The following ELAVL4 variants were observed in gnomAD, a reference collection of about 807,000 sequenced individuals.
ELAVL4 encodes the protein ELAV-like protein 4.
In ELAVL4, 1 loss-of-function variant was observed where a neutral mutation model predicts 35.6. That is an observed-to-expected ratio of 0.03 (90% confidence interval 0.01 to 0.13). The LOEUF (loss-of-function observed/expected upper bound fraction) is 0.13, where lower values mean the gene tolerates loss of function less well. Among genes scored for constraint, ELAVL4 ranks in the 10% least tolerant of loss-of-function variants. The pLI is 1.00. For missense variants in ELAVL4, 267 were observed against 464.9 expected (o/e 0.57, Z 3.91); for synonymous variants, 156 against 171.0 (o/e 0.91, Z 0.69).
intron 2 of ELAVL4, among the ~76,000 whole-genome samples, chr1:50,168,941 G>C (rs1678465932): frequency 7.0e-6 from 1 of 143,228 alleles, no homozygotes. Flanking sequence ...ACTGATAGGA[G>C]ATATGTATAT....
chr1:50,194,328 C>T (rs772226096), intron 4 of ELAVL4, among the ~76,000 whole-genome samples: 4 of 152,166 alleles, frequency 2.6e-5, no homozygotes, highest in Non-Finnish European at 4.4e-5. Flanking sequence ...TCCCATTTCA[C>T]ACTTGAGGAA....
At chr1:50,183,821 C>T (rs1231158370) in intron 3 of ELAVL4, among the ~76,000 whole-genome samples, 2 of 152,212 alleles carry the variant, frequency 1.3e-5, no homozygotes, top group Non-Finnish European at 2.9e-5. Context: ...CTTAATGCTT[C>T]CTGGAGAGTT....
intron 1 of ELAVL4, among the ~76,000 whole-genome samples, chr1:50,065,295 G>A (rs751864482): frequency 2.0e-5 from 3 of 152,160 alleles, no homozygotes; most frequent in African/African-American, 4.8e-5. Context: ...GAAGGAAAAG[G>A]TTAGAACAGA....
At chr1:50,112,641 A>C (rs745738854) in intron 1 of ELAVL4, among the ~76,000 whole-genome samples, 1 of 152,170 alleles carries the variant, frequency 6.6e-6, no homozygotes, top group Non-Finnish European at 1.5e-5. Flanking sequence ...ATAGATGAGG[A>C]AGTAGCTGAA....
chr1:50,058,375 T>C (rs1203132389), intron 1 of ELAVL4, among the ~76,000 whole-genome samples: 1 of 152,144 alleles, frequency 6.6e-6, no homozygotes, highest in African/African-American at 2.4e-5. Flanking sequence ...ATAGGATATA[T>C]AGGAGGAAAC....
chr1:50,137,238 A>G (rs1200353400), intron 1 of ELAVL4, among the ~76,000 whole-genome samples: 1 of 152,148 alleles, frequency 6.6e-6, no homozygotes. Context: ...CAAGGACACA[A>G]TATGGTGTGG....
intron 1 of ELAVL4, among the ~76,000 whole-genome samples, chr1:50,113,729 C>T (rs188850342): frequency 2.6e-5 from 4 of 152,198 alleles, no homozygotes; most frequent in East Asian, 3.9e-4. Flanking sequence ...GGTCAATTCT[C>T]CTTTTGAAAG....
chr1:50,144,594 T>C (rs1572383668), intron 1 of ELAVL4: 2 of 474,904 alleles, frequency 4.2e-6, no homozygotes. Flanking sequence ...AATGGAACTA[T>C]AATTTTAATC....
intron 1 of ELAVL4, among the ~76,000 whole-genome samples, chr1:50,087,370 T>C (rs767559449): frequency 2.0e-5 from 3 of 152,250 alleles, no homozygotes; most frequent in Non-Finnish European, 4.4e-5. Flanking sequence ...ACTCTAGTAC[T>C]TTCTACTGTC....
chr1:50,145,601 C>G (rs1412550237), intron 2 of ELAVL4, among the ~76,000 whole-genome samples: 1 of 152,146 alleles, frequency 6.6e-6, no homozygotes, highest in Non-Finnish European at 1.5e-5. Context: ...GTGCCTGAAA[C>G]AAGTGTTTTA....
chr1:50,128,080 G>A (rs1670248540), intron 1 of ELAVL4, among the ~76,000 whole-genome samples: 1 of 152,054 alleles, frequency 6.6e-6, no homozygotes, highest in African/African-American at 2.4e-5. Context: ...CCTCAAGATG[G>A]TACTTCAGAT....
At chr1:50,183,817 G>C (rs1178948738) in intron 3 of ELAVL4, among the ~76,000 whole-genome samples, 1 of 152,138 alleles carries the variant, frequency 6.6e-6, no homozygotes, top group Non-Finnish European at 1.5e-5. Context: ...TGCTCTTAAT[G>C]CTTCCTGGAG....
At chr1:50,109,288 A>ACTG in intron 1 of ELAVL4, 90 bp downstream of exon 1, 1 of 1,394,492 alleles carries the variant, frequency 7.2e-7, no homozygotes, top group Non-Finnish European at 1.0e-6. Flanking sequence ...CTTGCACAAG[A>ACTG]GTTTAGTTCT....
chr1:50,163,023 G>C (rs1237779647), intron 2 of ELAVL4, among the ~76,000 whole-genome samples: 1 of 152,164 alleles, frequency 6.6e-6, no homozygotes, highest in Non-Finnish European at 1.5e-5. Context: ...ACTTAGAAAT[G>C]GTATTGACAG....
chr1:50,110,055 T>G, intron 1 of ELAVL4: 1 of 1,486,620 alleles, frequency 6.7e-7, no homozygotes, highest in Non-Finnish European at 9.3e-7. Flanking sequence ...GTAAGGATGC[T>G]GGACTGTGCA....
At chr1:50,118,261 C>A (rs1030723558) in intron 1 of ELAVL4, among the ~76,000 whole-genome samples, 1 of 151,848 alleles carries the variant, frequency 6.6e-6, no homozygotes, top group African/African-American at 2.4e-5. Context: ...CTTGTTTTCC[C>A]AATAGGCTGA....
intron 3 of ELAVL4, chr1:50,181,306 T>C (rs1012630908): frequency 1.3e-5 from 2 of 152,290 alleles, no homozygotes; most frequent in Admixed American, 6.5e-5. Flanking sequence ...ATGAATTGTG[T>C]GTCTCCTCCA....
intron 1 of ELAVL4, among the ~76,000 whole-genome samples, chr1:50,135,759 T>A (rs374988558): frequency 4.6e-5 from 7 of 152,306 alleles, no homozygotes; most frequent in African/African-American, 1.7e-4. Flanking sequence ...TGGAATTAAA[T>A]ATTTTTTTCT....
At chr1:50,128,854 A>C (rs942511897) in intron 1 of ELAVL4, among the ~76,000 whole-genome samples, 3 of 152,048 alleles carry the variant, frequency 2.0e-5, no homozygotes, top group Non-Finnish European at 2.9e-5. Context: ...GGAAGATGGG[A>C]GTCAGTGACC....
Sources: gnomAD v4.1 joint callset for allele counts (sites outside exome capture counted in the v4.1 genomes callset) on GRCh38, gnomAD v4.1.1 for gene constraint, MANE v1.5 for transcripts, NCBI Gene and HGNC (gene_info 2026-07-23, HGNC 2026-07-21) for gene names.